GDF1: variants seen among roughly 807,000 people sequenced by gnomAD.
GDF1 encodes the protein growth differentiation factor 1.
In GDF1, 8 loss-of-function variants were observed where a neutral mutation model predicts 7.4. The observed-to-expected ratio is 1.09, with a 90% CI of 0.64 to 1.96. The LOEUF (loss-of-function observed/expected upper bound fraction) is 1.96, where lower values mean the gene tolerates loss of function less well. GDF1 is among the 30% of genes most tolerant of loss of function. GDF1 has a pLI of 0.00. For synonymous variants in GDF1, 311 were observed against 276.7 expected (o/e 1.12, Z -1.23); for missense variants, 574 against 551.5 (o/e 1.04, Z -0.41).
Position 18,868,773 on chromosome 19 carries a change from G to A in GDF1, c.943C>T (p.Leu315Phe). 6.8e-7 allele frequency: 1 copy of A among 1,472,000 alleles called. No individual in the cohort carries two copies. Among genetic ancestry groups the A allele is most frequent in the Non-Finnish European group, 9.1e-7 (1 of 1,103,938 alleles). 91.2% of individuals were successfully genotyped at this position (1,472,000 alleles called of 1,614,324 possible). A position where few individuals can be genotyped will look rare whatever the true frequency, so the allele number is the denominator to read the frequency against. The change falls in exon 8 of 8, where the codon CTC (leucine) becomes TTC (phenylalanine). Residue 315 changes from leucine (L) to phenylalanine (F), a missense_variant. Leu to Phe is a conservative substitution (Grantham distance 22, BLOSUM62 0). Transcript: ENST00000247005. Reference protein sequence around the residue: ...ALSGSGGPPALNHAVLRALMH... With the variant: ...ALSGSGGPPAFNHAVLRALMH... The stretch of plus-strand genomic sequence containing the variant: ...AGCGCGCGCAGCACAGCGTGGTTGA[G>A]CGCCGGCGGCCCCCCGGACCCCGAC...
intron 6 of GDF1, among the ~76,000 whole-genome samples, chr19:18,875,333 G>A (rs146177395): frequency 6.6e-6 from 1 of 152,022 alleles, no homozygotes; most frequent in African/African-American, 2.4e-5. Flanking sequence ...AACACTTGAG[G>A]TCAGGAGTTC....
chr19:18,885,232 G>T (rs1452180547), intron 2 of GDF1, among the ~76,000 whole-genome samples: 1 of 151,984 alleles, frequency 6.6e-6, no homozygotes, highest in Non-Finnish European at 1.5e-5. Context: ...GAGTTGGCTT[G>T]TTCTGTGGCC....
At chr19:18,869,908 C>G in intron 7 of GDF1, 75 bp downstream of exon 7, 1 of 1,441,756 alleles carries the variant, frequency 6.9e-7, no homozygotes, top group Non-Finnish European at 9.5e-7. Context: ...CTCGGGCATC[C>G]CCGGGCCACT....
chr19:18,894,114 A>C (rs2056565840), intron 1 of GDF1, among the ~76,000 whole-genome samples: 2 of 151,304 alleles, frequency 1.3e-5, no homozygotes, highest in African/African-American at 4.9e-5. Flanking sequence ...GGGGCGATGA[A>C]AGGGGAGGAG....
At chr19:18,888,949 TA>T (rs2056430061) in intron 2 of GDF1, among the ~76,000 whole-genome samples, 1 of 147,694 alleles carries the variant, frequency 6.8e-6, no homozygotes, top group South Asian at 2.2e-4. Flanking sequence ...TGGAGTGCAG[TA>T]GCATGATCTC....
chr19:18,892,429 A>G (rs1054988165), intron 2 of GDF1, among the ~76,000 whole-genome samples: 4 of 151,828 alleles, frequency 2.6e-5, no homozygotes, highest in African/African-American at 9.7e-5. Context: ...CCTGGCTAAC[A>G]CGGTGAAACC....
At chr19:18,879,475 TG>T (rs2056140617) in intron 4 of GDF1, 87 bp from the exon 5 acceptor site, 1 of 1,465,506 alleles carries the variant, frequency 6.8e-7, no homozygotes, top group Non-Finnish European at 9.2e-7. Context: ...GACCCACCCT[TG>T]CCCCCTTATC....
intron 2 of GDF1, among the ~76,000 whole-genome samples, chr19:18,891,849 G>A (rs1240341082): frequency 1.3e-5 from 2 of 150,196 alleles, no homozygotes; most frequent in Admixed American, 6.6e-5. Context: ...AGGATTACAG[G>A]TGTGAGCCAG....
At chr19:18,894,272 G>A (rs892422279) in intron 1 of GDF1, among the ~76,000 whole-genome samples, 4 of 151,886 alleles carry the variant, frequency 2.6e-5, no homozygotes, top group African/African-American at 9.7e-5. Context: ...GCGGGGCGCG[G>A]CTCCAGAGCT....
intron 3 of GDF1, among the ~76,000 whole-genome samples, chr19:18,881,215 T>C (rs1274054868): frequency 6.6e-6 from 1 of 151,650 alleles, no homozygotes; most frequent in African/African-American, 2.4e-5. Flanking sequence ...ATCCTTTTTT[T>C]TTTTAATTTT....
chr19:18,892,969 T>C (rs942268791), intron 2 of GDF1, among the ~76,000 whole-genome samples: 1 of 151,978 alleles, frequency 6.6e-6, no homozygotes, highest in African/African-American at 2.4e-5. Flanking sequence ...CAGGCTGGAG[T>C]GCAGTGGCGC....
At chr19:18,875,217 C>CA (rs1299324310) in intron 6 of GDF1, among the ~76,000 whole-genome samples, 1 of 149,060 alleles carries the variant, frequency 6.7e-6, no homozygotes, top group African/African-American at 2.5e-5. Context: ...GCGTGGGCGA[C>CA]AGAGTGGGAC....
Position 18,884,167 on chromosome 19 carries a change from G to A in GDF1, c.-813C>T. Reference sequence around the variant, plus strand: ...TGACCACCGAGTCCTTGCGCCAGGTGTCCATGTATAGCGTAGCGTAGATGG... The same window carrying A: ...TGACCACCGAGTCCTTGCGCCAGGTATCCATGTATAGCGTAGCGTAGATGG... On this transcript the variant is annotated 5_prime_UTR_variant, in exon 3 of 8. Coordinates refer to ENST00000247005, the MANE Select transcript of GDF1 (RefSeq NM_001492.6). The A allele has an allele frequency of 1.9e-6, 3 of 1,613,742 alleles. No individual in the cohort carries two copies. The highest frequency in any genetic ancestry group is 1.1e-5 in the South Asian group (1 of 91,040).
chr19:18,877,921 T>G, intron 6 of GDF1: 1 of 968,438 alleles, frequency 1.0e-6, no homozygotes, highest in Non-Finnish European at 1.2e-6. Context: ...TTGAGTCGTC[T>G]TTGATTCTTT....
chr19:18,887,572 C>T (rs184003124), intron 2 of GDF1, among the ~76,000 whole-genome samples: 14 of 152,094 alleles, frequency 9.2e-5, no homozygotes, highest in Non-Finnish European at 2.1e-4. Flanking sequence ...TGGCGAAACC[C>T]TGTCTGTACT....
chr19:18,888,220 A>G (rs907119201), intron 2 of GDF1, among the ~76,000 whole-genome samples: 2 of 151,612 alleles, frequency 1.3e-5, no homozygotes, highest in Non-Finnish European at 2.9e-5. Flanking sequence ...TTAGCCAGAC[A>G]TGGTGATACA....
intron 3 of GDF1, among the ~76,000 whole-genome samples, chr19:18,882,343 T>G (rs1015788635): frequency 3.9e-5 from 6 of 152,056 alleles, no homozygotes; most frequent in African/African-American, 1.4e-4. Context: ...AAAATTATTT[T>G]TTAAACTAAC....
Position 18,895,800 on chromosome 19 carries a change from G to A in GDF1, c.-1074+24C>T, listed in dbSNP as rs1473463420. On this transcript the variant is annotated intron_variant, in intron 1 of 7. Transcript: ENST00000247005. The surrounding 1 kb of genome is among the most constrained non-coding windows in gnomAD (Gnocchi z 6.4). ...GCTTCCCCCAGTCCGGGGTCCCCTC[G>A]TCCCGGCCCCCGGCCACACTGACCC... The A allele has an allele frequency of 4.2e-6, 5 of 1,202,526 alleles. No homozygotes were observed. Among genetic ancestry groups the A allele is most frequent in the South Asian group, 2.3e-5 (1 of 42,554 alleles). 74.5% of individuals were successfully genotyped at this position (1,202,526 alleles called of 1,614,324 possible).
intron 2 of GDF1, among the ~76,000 whole-genome samples, chr19:18,892,978 G>A (rs796847543): frequency 9.2e-5 from 14 of 151,798 alleles, no homozygotes; most frequent in African/African-American, 2.2e-4. Flanking sequence ...GTGCAGTGGC[G>A]CGAACTCGGC....
Sources: allele counts gnomAD v4.1 joint callset (sites outside exome capture counted in the v4.1 genomes callset), GRCh38; gene constraint gnomAD v4.1.1; non-coding constraint Gnocchi (gnomAD v3.1); transcripts MANE v1.5; gene names NCBI Gene and HGNC (gene_info 2026-07-23, HGNC 2026-07-21).